HAAO: variants seen among roughly 807,000 people sequenced by gnomAD.
The protein encoded by HAAO is 3-hydroxyanthranilate 3,4-dioxygenase.
Under a neutral mutation model 46.2 loss-of-function variants are expected in HAAO, and 49 were observed. That is an observed-to-expected ratio of 1.06 (90% CI 0.84 to 1.34). The LOEUF is 1.34. Ranked by LOEUF, HAAO falls within the 40% of genes most tolerant of loss-of-function variation. The pLI is 0.00. For synonymous variants in HAAO, 157 were observed against 145.2 expected, an observed-to-expected ratio of 1.08 and a Z score of -0.58; for missense variants, 408 against 364.5, an observed-to-expected ratio of 1.12 and a Z score of -0.97.
At chr2:42,778,839 G>A (rs1285880736) in intron 4 of HAAO, among the ~76,000 whole-genome samples, 40 of 152,112 alleles carry the variant, frequency 2.6e-4, no homozygotes, top group Admixed American at 2.6e-3. Context: ...CGCTGGGTGT[G>A]GTGGTGGCTC....
At chr2:42,779,223 A>C (rs1300609656) in intron 4 of HAAO, among the ~76,000 whole-genome samples, 1 of 152,198 alleles carries the variant, frequency 6.6e-6, no homozygotes, top group Non-Finnish European at 1.5e-5. Context: ...AAAAGGTTTT[A>C]TTGAAGCATT....
At chr2:42,778,385 G>A (rs2104653766) in intron 4 of HAAO, among the ~76,000 whole-genome samples, 1 of 152,164 alleles carries the variant, frequency 6.6e-6, no homozygotes, top group East Asian at 1.9e-4. Context: ...CTGGAGCACA[G>A]TGGCATGATC....
chr2:42,788,480 C>G (rs913399737), intron 2 of HAAO, 49 bp downstream of exon 2: 55 of 1,216,466 alleles, frequency 4.5e-5, no homozygotes, highest in Non-Finnish European at 6.5e-5. Flanking sequence ...CCGCTAGGGC[C>G]AGGCTCCTTG....
intron 4 of HAAO, among the ~76,000 whole-genome samples, chr2:42,780,910 A>G (rs1340846292): frequency 1.3e-5 from 1 of 79,896 alleles, no homozygotes; most frequent in Non-Finnish European, 2.4e-5. Flanking sequence ...TACTAAAAAT[A>G]CAAAAAAAAA....
chr2:42,773,587 T>A (rs1015741472), intron 4 of HAAO, among the ~76,000 whole-genome samples: 44 of 149,646 alleles, frequency 2.9e-4, no homozygotes, highest in African/African-American at 1.1e-3. Context: ...CCCCCTATTT[T>A]TTTTTTTTTT....
chr2:42,783,998 C>T (rs575213163), intron 2 of HAAO, 131 bp from the exon 3 acceptor site: 76 of 1,487,092 alleles, frequency 5.1e-5, no homozygotes, highest in South Asian at 1.1e-4. Context: ...TGGGCAGCTC[C>T]GTCACTTCTG....
Position 42,780,717 on chromosome 2 carries a change from G to GT in HAAO, c.350+2596dup, listed in dbSNP as rs1044999251. On this transcript the variant is annotated intron_variant, in intron 4 of 9. Transcript: ENST00000294973. Reference sequence around the variant, plus strand: ...TGTTGCTGATCCTTTGTTTTATTTTGTTTTTTTTCAGAGTCAAGGAAACTT... The same window carrying GT: ...TGTTGCTGATCCTTTGTTTTATTTTGTTTTTTTTTCAGAGTCAAGGAAACTT... Among the ~76,000 whole-genome samples the GT allele has an allele frequency of 6.6e-5, 10 of 151,286 alleles. No homozygotes were observed. The East Asian group carries it at 7.7e-4, about 12-fold the overall frequency.
chr2:42,791,939 T>TGTGG (rs1672834350), intron 1 of HAAO, among the ~76,000 whole-genome samples: 1 of 151,806 alleles, frequency 6.6e-6, no homozygotes, highest in Non-Finnish European at 1.5e-5. Context: ...TGTGTGTGTG[T>TGTGG]GTTCGTGCAC....
At chr2:42,768,696 T>C (rs1558657854) in intron 7 of HAAO, among the ~76,000 whole-genome samples, 1 of 152,156 alleles carries the variant, frequency 6.6e-6, no homozygotes, top group African/African-American at 2.4e-5. Flanking sequence ...CCTCCCAGCC[T>C]TGTTCCCACA....
At chr2:42,781,458 A>G (rs74901559) in intron 4 of HAAO, among the ~76,000 whole-genome samples, 1 of 152,180 alleles carries the variant, frequency 6.6e-6, no homozygotes, top group African/African-American at 2.4e-5. Flanking sequence ...AGATCACCCA[A>G]CTCATAGGTA....
intron 2 of HAAO, among the ~76,000 whole-genome samples, chr2:42,786,185 C>G (rs369344043): frequency 1.3e-5 from 2 of 152,184 alleles, no homozygotes; most frequent in African/African-American, 4.8e-5. Context: ...ACTGGGCAGG[C>G]TATACGATAT....
chr2:42,783,966 T>C, intron 2 of HAAO, 99 bp from the exon 3 acceptor site: 3 of 1,534,192 alleles, frequency 2.0e-6, no homozygotes, highest in Non-Finnish European at 2.6e-6. Context: ...CCTGAGAAAC[T>C]TTCTGAAGGC....
chr2:42,776,718 C>T (rs1479433010), intron 4 of HAAO, among the ~76,000 whole-genome samples: 4 of 151,018 alleles, frequency 2.6e-5, no homozygotes, highest in South Asian at 2.1e-4. Context: ...CTGCAACTTC[C>T]GCCTCTTGGG....
chr2:42,776,980 C>A (rs1573922610), intron 4 of HAAO, among the ~76,000 whole-genome samples: 1 of 151,294 alleles, frequency 6.6e-6, no homozygotes, highest in Non-Finnish European at 1.5e-5. Flanking sequence ...CTGACAACTG[C>A]CTGTGGTTGT....
intron 1 of HAAO, among the ~76,000 whole-genome samples, chr2:42,789,389 G>C (rs888577938): frequency 4.6e-5 from 7 of 152,138 alleles, no homozygotes; most frequent in African/African-American, 1.7e-4. Flanking sequence ...GGCCAACATG[G>C]TGAAACCCTG....
At chr2:42,783,196 A>G (rs773757107) in intron 4 of HAAO, 118 bp downstream of exon 4, 63 of 643,466 alleles carry the variant, frequency 9.8e-5, no homozygotes, top group Non-Finnish European at 1.6e-4. Context: ...CCTCCTGCCC[A>G]CTCAGTGGCC....
At chr2:42,783,699 T>C in intron 3 of HAAO, 85 bp downstream of exon 3, 2 of 1,210,074 alleles carry the variant, frequency 1.7e-6, no homozygotes, top group Non-Finnish European at 2.4e-6. Flanking sequence ...GGACAAGACC[T>C]CAGCCAGGGC....
chr2:42,770,027 A>T (rs966726323), intron 6 of HAAO, 116 bp downstream of exon 6: 28 of 1,127,466 alleles, frequency 2.5e-5, no homozygotes, highest in Non-Finnish European at 3.9e-6. Context: ...TCTTCTTAGT[A>T]CCTTGAGGAC....
intron 2 of HAAO, among the ~76,000 whole-genome samples, chr2:42,786,645 C>T (rs572504084): frequency 3.5e-4 from 53 of 152,230 alleles, no homozygotes; most frequent in African/African-American, 1.2e-3. Context: ...GGTTAGTAAG[C>T]GGCAGAGAAT....
Sources: allele counts gnomAD v4.1 joint callset (sites outside exome capture counted in the v4.1 genomes callset), GRCh38; gene constraint gnomAD v4.1.1; transcripts MANE v1.5; gene names NCBI Gene and HGNC (gene_info 2026-07-23, HGNC 2026-07-21).